SLC7A7: variants seen among roughly 807,000 people sequenced by gnomAD.
SLC7A7 encodes the protein Y+L amino acid transporter 1.
Under a neutral mutation model 47.9 loss-of-function variants are expected in SLC7A7, and 39 were observed. The observed-to-expected ratio is 0.81, with a 90% confidence interval of 0.63 to 1.06. The LOEUF (loss-of-function observed/expected upper bound fraction) is 1.06, where lower values mean the gene tolerates loss of function less well. Ranked by LOEUF, SLC7A7 falls within the 50% of genes least tolerant of loss-of-function variation. SLC7A7 has a pLI of 0.00. For missense variants in SLC7A7, 588 were observed against 632.0 expected, an observed-to-expected ratio of 0.93 and a Z score of 0.75; for synonymous variants, 234 against 242.8, an observed-to-expected ratio of 0.96 and a Z score of 0.34.
At chr14:22,778,669 A>G (rs2038660085) in intron 4 of SLC7A7, 124 bp downstream of exon 4, 1 of 992,042 alleles carries the variant, frequency 1.0e-6, no homozygotes, top group Non-Finnish European at 1.5e-6. Flanking sequence ...CAGGCCTCCC[A>G]TCTATTAAAA....
At chr14:22,788,434 G>C (rs2038858196) in intron 2 of SLC7A7, among the ~76,000 whole-genome samples, 1 of 152,120 alleles carries the variant, frequency 6.6e-6, no homozygotes, top group South Asian at 2.1e-4. Flanking sequence ...ACAGCACTAA[G>C]AATAAACAAT....
chr14:22,815,821 T>C (rs1201628153), upstream of SLC7A7: 1 of 386,892 alleles, frequency 2.6e-6, no homozygotes, highest in Non-Finnish European at 5.2e-6. Context: ...TAGCCTCTCT[T>C]CTCTCTCACC....
In SLC7A7 at chr14:22,812,943, G is replaced by A. The variant is rs8016634; in HGVS notation, c.456C>T (p.Phe152=). Residue 152 remains phenylalanine, a synonymous_variant, in exon 2 of 10, where the codon TTC becomes TTT. Transcript: ENST00000674313. ...YMVQPLFPSC[F]APYAASRLLA... ...GCAGGCGGCTGGCAGCATAAGGGGC[G>A]AAGCAGCTCGGGAAGAGAGGCTGTA... 10,152 of 1,613,798 alleles carry A rather than the reference G, an allele frequency of 6.3e-3. 364 individuals carry two copies. In the African/African-American group the frequency reaches 0.097, roughly 15 times the overall value.
chr14:22,807,666 C>T (rs1255144543), intron 2 of SLC7A7, among the ~76,000 whole-genome samples: 1 of 152,192 alleles, frequency 6.6e-6, no homozygotes, highest in Non-Finnish European at 1.5e-5. Context: ...CCTCGCCCTT[C>T]TCCCACCCCA....
chr14:22,781,388 T>A (rs1057441650), intron 2 of SLC7A7, among the ~76,000 whole-genome samples: 1 of 152,074 alleles, frequency 6.6e-6, no homozygotes, highest in Non-Finnish European at 1.5e-5. Context: ...CTTCTCTCTC[T>A]CACCCTCCCT....
At chr14:22,805,153 G>A (rs541587158) in intron 2 of SLC7A7, among the ~76,000 whole-genome samples, 1 of 149,684 alleles carries the variant, frequency 6.7e-6, no homozygotes, top group Admixed American at 6.6e-5. Context: ...GGACCACAAG[G>A]TCAGGAGTTC....
chr14:22,817,247 G>C (rs1369203286), upstream of SLC7A7: 3 of 250,360 alleles, frequency 1.2e-5, no homozygotes, highest in South Asian at 1.2e-4. Context: ...CCTGGTTCAA[G>C]CAATTCTCAT....
At chr14:22,806,981 T>TC (rs1049964590) in intron 2 of SLC7A7, among the ~76,000 whole-genome samples, 20 of 145,666 alleles carry the variant, frequency 1.4e-4, no homozygotes, top group African/African-American at 4.8e-4. Flanking sequence ...CACTGCAAGC[T>TC]CCGCTTCCCG....
At position 22,799,574 on chromosome 14, in the gene SLC7A7, C is replaced by T. The variant is rs187621197; in HGVS notation, c.499+13326G>A. On this transcript the variant is annotated intron_variant, in intron 2 of 9. Transcript: ENST00000674313. Reference sequence around the variant, plus strand: ...GGTTCAAGCGATTCTCCTGCCTCAGCCTCCAGAGTAGCTGGGACTACAGGT... The same window carrying T: ...GGTTCAAGCGATTCTCCTGCCTCAGTCTCCAGAGTAGCTGGGACTACAGGT... Among the ~76,000 whole-genome samples the T allele has an allele frequency of 4.3e-4, 65 of 150,294 alleles. 1 individual carries two copies. The highest frequency in any genetic ancestry group is 4.3e-3 in the Admixed American group (64 of 14,854).
At position 22,773,276 on chromosome 14, in the gene SLC7A7, T is replaced by C; in HGVS notation, c.*334A>G. 1 of 471,202 alleles carries C rather than the reference T, an allele frequency of 2.1e-6. No individual in the cohort carries two copies. The highest frequency in any genetic ancestry group is 1.6e-5 in the South Asian group (1 of 63,416). The allele number at this position is 471,202 out of a possible 1,614,324, so 29.2% of individuals were successfully genotyped here. ...AGCACCTGTGATAGTTTCATGTCTC[T>C]CTAAAGGAGACAGGAAATTGGAGCA... On this transcript the variant is annotated 3_prime_UTR_variant, in exon 10 of 10. Transcript: ENST00000674313.
chr14:22,778,812 C>A lies in SLC7A7; in HGVS notation c.751G>T (p.Glu251Ter). ...GWDTLNYVTE[E>*]IKNPERNLPL... Reference sequence around the variant, plus strand: ...ACCTACCTCTCAGGATTCTTGATCTCTTCAGTGACATAGTTGAGGGTGTCC... The same window carrying A: ...ACCTACCTCTCAGGATTCTTGATCTATTCAGTGACATAGTTGAGGGTGTCC... The change falls in exon 4 of 10, where the codon GAG becomes TAG. Residue 251 changes from glutamate to a stop codon, truncating the protein, a stop_gained. Transcript: ENST00000674313. LOFTEE classifies it high-confidence loss of function. The A allele has an allele frequency of 6.2e-7, 1 of 1,614,184 alleles. No homozygotes were observed. Among genetic ancestry groups the A allele is most frequent in the South Asian group, 1.1e-5 (1 of 91,086 alleles).
intron 2 of SLC7A7, among the ~76,000 whole-genome samples, chr14:22,810,493 T>C (rs1454083063): frequency 6.9e-6 from 1 of 144,328 alleles, no homozygotes; most frequent in Non-Finnish European, 1.5e-5. Context: ...ATTTCTGGTA[T>C]TTTAAAGGAA....
chr14:22,792,867 AAGAGAG>A (rs113285148), intron 2 of SLC7A7, among the ~76,000 whole-genome samples: 21,476 of 122,464 alleles, frequency 0.18, 1,958 homozygotes, highest in East Asian at 0.22. Context: ...CAAAGAAAGA[AAGAGAG>A]AGAGAGAGAG....
At chr14:22,784,575 A>G (rs1164464925) in intron 2 of SLC7A7, among the ~76,000 whole-genome samples, 1 of 151,810 alleles carries the variant, frequency 6.6e-6, no homozygotes, top group African/African-American at 2.4e-5. Flanking sequence ...CCAAGATCAC[A>G]CCACTGCACT....
intron 2 of SLC7A7, among the ~76,000 whole-genome samples, chr14:22,789,254 C>A (rs562878597): frequency 1.5e-3 from 221 of 152,218 alleles, no homozygotes; most frequent in Non-Finnish European, 2.6e-4. Context: ...TAATGGCCCC[C>A]CAAAGATGTC....
intron 2 of SLC7A7, among the ~76,000 whole-genome samples, chr14:22,801,599 T>G (rs2039115098): frequency 1.3e-5 from 2 of 152,032 alleles, no homozygotes; most frequent in Non-Finnish European, 2.9e-5. Context: ...CTGGCCAACA[T>G]GGTGAAACCC....
chr14:22,787,198 G>A (rs891122116), intron 2 of SLC7A7, among the ~76,000 whole-genome samples: 1 of 152,214 alleles, frequency 6.6e-6, no homozygotes, highest in Middle Eastern at 3.4e-3. Flanking sequence ...TACTTTGGGA[G>A]ACCGAGGAGG....
Position 22,813,130 on chromosome 14 carries a change from T to A in SLC7A7, c.269A>T (p.Tyr90Phe), listed in dbSNP as rs375791337. 12 of 1,613,840 alleles carry A rather than the reference T, an allele frequency of 7.4e-6. No individual in the cohort carries two copies. Among genetic ancestry groups the A allele is most frequent in the African/African-American group, 5.3e-5 (4 of 74,802 alleles). The change falls in exon 2 of 10, where the codon TAT (tyrosine) becomes TTT (phenylalanine). Residue 90 changes from tyrosine to phenylalanine, a missense_variant. Transcript: ENST00000674313. ...GLFSVFGALC[Y>F]AELGTTIKKS... ...CTTAATGGTGGTGCCCAGTTCCGCA[T>A]AACAAAGGGCCCCAAAGACGGAGAA...
At chr14:22,793,415 TA>T (rs1398443133) in intron 2 of SLC7A7, among the ~76,000 whole-genome samples, 1 of 152,186 alleles carries the variant, frequency 6.6e-6, no homozygotes, top group African/African-American at 2.4e-5. Flanking sequence ...ACTTAGTTTA[TA>T]ATTTAGACAA....
Sources: allele counts gnomAD v4.1 joint callset (sites outside exome capture counted in the v4.1 genomes callset), GRCh38; gene constraint gnomAD v4.1.1; transcripts MANE v1.5; gene names NCBI Gene and HGNC (gene_info 2026-07-23, HGNC 2026-07-21).